The following FBP1 variants were observed in gnomAD, a reference collection of about 807,000 sequenced individuals.
FBP1 encodes fructose-1,6-bisphosphatase 1.
FBP1 carries 22 observed loss-of-function variants against 29.9 expected under a neutral mutation model. That is an observed-to-expected ratio of 0.74 (90% CI 0.53 to 1.05). The LOEUF (loss-of-function observed/expected upper bound fraction) is 1.05, where lower values mean the gene tolerates loss of function less well. Among genes scored for constraint, FBP1 ranks in the 50% least tolerant of loss-of-function variants. The probability of loss-of-function intolerance (pLI) is 0.00; values close to 1 mark genes in which losing one functional copy is unlikely to be tolerated. For synonymous variants in FBP1, 175 were observed against 178.6 expected, an observed-to-expected ratio of 0.98 and a Z score of 0.16; for missense variants, 345 against 448.2, an observed-to-expected ratio of 0.77 and a Z score of 2.08.
intron 3 of FBP1, among the ~76,000 whole-genome samples, chr9:94,615,604 T>C (rs12000605): frequency 0.1 from 15,865 of 152,196 alleles, 2,772 homozygotes; most frequent in African/African-American, 0.36. Flanking sequence ...AATGGATAAA[T>C]TGTTGCCTTT....
Position 94,605,616 on chromosome 9 carries a change from TAAGA to T in FBP1, c.706-44_706-41del, listed in dbSNP as rs28369760. 0.081 allele frequency: 130,228 copies of T among 1,607,244 alleles called. 6,310 individuals carry two copies. Among genetic ancestry groups the T allele is most frequent in the East Asian group, 0.18 (8,044 of 44,718 alleles). On this transcript the variant is annotated intron_variant, in intron 5 of 6. Coordinates refer to ENST00000375326, the MANE Select transcript of FBP1 (RefSeq NM_000507.4). ...CAGCAAGAATTAGGATTGCAGAAAA[TAAGA>T]AAGAGAGTTTTCTTGGTGTCTCCTA...
Position 94,603,369 on chromosome 9 carries a change from C to T in FBP1, c.*12G>A. ...GTAGAGGCAATTCTCCGGATGCAGG[C>T]AGGGCAGGTGCTCACTGGGCAGAGT... On this transcript the variant is annotated 3_prime_UTR_variant, in exon 7 of 7. Coordinates refer to ENST00000375326, the MANE Select transcript of FBP1 (RefSeq NM_000507.4). The T allele has an allele frequency of 6.2e-7, 1 of 1,611,232 alleles. No homozygotes were observed. The highest frequency in any genetic ancestry group is 8.5e-7 in the Non-Finnish European group (1 of 1,178,428).
rs144924892 is a variant in FBP1 at position 94,632,829 on chromosome 9, C to T, written c.170+6312G>A. 4.6e-5 allele frequency among the ~76,000 whole-genome samples: 7 copies of T among 152,328 alleles called. No individual in the cohort carries two copies. In the East Asian group the frequency reaches 1.3e-3, roughly 29 times the overall value. On this transcript the variant is annotated intron_variant, in intron 1 of 6. Coordinates refer to ENST00000375326, the MANE Select transcript of FBP1 (RefSeq NM_000507.4). The stretch of plus-strand genomic sequence containing the variant: ...GTGATGTCACATCAACAGCCCAATC[C>T]TCACAGACGTTGAATGGCAGGGCCA...
At chr9:94,616,934 T>TTCTCTC (rs553480504) in intron 3 of FBP1, among the ~76,000 whole-genome samples, 2 of 103,152 alleles carry the variant, frequency 1.9e-5, no homozygotes, top group Admixed American at 1.7e-4. Flanking sequence ...CTCTCTCTCT[T>TTCTCTC]TCTCTCTCTC....
At position 94,605,522 on chromosome 9, in the gene FBP1, G is replaced by A. The variant is rs772925344; in HGVS notation, c.760C>T (p.His254Tyr). 6.2e-7 allele frequency: 1 copy of A among 1,613,814 alleles called. No individual in the cohort carries two copies. The highest frequency in any genetic ancestry group is 1.1e-5 in the South Asian group (1 of 91,070). Residue 254 changes from histidine (H) to tyrosine (Y), a missense_variant, in exon 6 of 7, where the codon CAT becomes TAT. Coordinates refer to ENST00000375326, the MANE Select transcript of FBP1 (RefSeq NM_000507.4). Reference protein sequence around the residue: ...RYVGSMVADVHRTLVYGGIFL... With the variant: ...RYVGSMVADVYRTLVYGGIFL... ...ATCCCTCCGTAGACCAGAGTGCGAT[G>A]AACATCAGCCACCATGGAGCCCACA...
chr9:94,617,839 C>T lies in FBP1; in HGVS notation c.355G>A (p.Asp119Asn), dbSNP rs758609113. 4.3e-6 allele frequency: 7 copies of T among 1,613,326 alleles called. No individual in the cohort carries two copies. The East Asian group carries it at 8.9e-5, about 21-fold the overall frequency. ...ATGTTGGAAGATCCATCAAGGGGAT[C>T]AAAACAGACCACATATTTACCCTGA... ...EKRGKYVVCF[D>N]PLDGSSNIDC... The change falls in exon 3 of 7, where the codon GAT becomes AAT. Residue 119 changes from aspartate to asparagine, a missense_variant. Asp to Asn is a conservative substitution (Grantham distance 23). Transcript: ENST00000375326.
At position 94,605,521 on chromosome 9, in the gene FBP1, T is replaced by C; in HGVS notation, c.761A>G (p.His254Arg). ...TATCCCTCCGTAGACCAGAGTGCGA[T>C]GAACATCAGCCACCATGGAGCCCAC... ...RYVGSMVADV[H>R]RTLVYGGIFL... is the part of the protein sequence containing the mutation. Residue 254 changes from histidine to arginine, a missense_variant, in exon 6 of 7, where the codon CAT becomes CGT. Coordinates refer to ENST00000375326, the MANE Select transcript of FBP1 (RefSeq NM_000507.4). 6.2e-7 allele frequency: 1 copy of C among 1,614,000 alleles called. No homozygotes were observed. The highest frequency in any genetic ancestry group is 8.5e-7 in the Non-Finnish European group (1 of 1,179,914).
chr9:94,633,983 G>C (rs1234399783), intron 1 of FBP1, among the ~76,000 whole-genome samples: 1 of 150,802 alleles, frequency 6.6e-6, no homozygotes, highest in Non-Finnish European at 1.5e-5. Context: ...TAGGATTACA[G>C]GCGTGAGCCA....
intron 1 of FBP1, among the ~76,000 whole-genome samples, chr9:94,633,909 TG>T (rs1828149358): frequency 6.6e-6 from 1 of 151,302 alleles, no homozygotes; most frequent in Non-Finnish European, 1.5e-5. Flanking sequence ...GGTTTCACCG[TG>T]TTGGCCAGGA....
rs764292673 is a variant in FBP1, at chr9:94,605,559, A to T, written c.723T>A (p.Tyr241Ter). 3 of 1,614,096 alleles carry T rather than the reference A, an allele frequency of 1.9e-6. No individual in the cohort carries two copies. The highest frequency in any genetic ancestry group is 2.5e-6 in the Non-Finnish European group (3 of 1,179,962). Residue 241 changes from tyrosine (Y) to a stop codon, truncating the protein, a stop_gained, in exon 6 of 7, where the codon TAT becomes TAA. Transcript: ENST00000375326. LOFTEE classifies it high-confidence loss of function. ...KKFPPDNSAP[Y>*]GARYVGSMVA... ...CCATGGAGCCCACATACCGGGCCCCATAAGGAGCTGAATTATCCTGCAAGT... is the reference window on the plus strand; with the variant it reads ...CCATGGAGCCCACATACCGGGCCCCTTAAGGAGCTGAATTATCCTGCAAGT...
In FBP1 at chr9:94,603,330, G is replaced by A; in HGVS notation, c.*51C>T. 6.7e-7 allele frequency: 1 copy of A among 1,495,754 alleles called. No homozygotes were observed. Among genetic ancestry groups the A allele is most frequent in the Non-Finnish European group, 9.3e-7 (1 of 1,080,730 alleles). The allele number at this position is 1,495,754 out of a possible 1,614,324, so 92.7% of individuals were successfully genotyped here. A position where few individuals can be genotyped will look rare whatever the true frequency, so the allele number is the denominator to read the frequency against. On this transcript the variant is annotated 3_prime_UTR_variant, in exon 7 of 7. Coordinates refer to ENST00000375326, the MANE Select transcript of FBP1 (RefSeq NM_000507.4). ...AGCAGGTCAGGGTACTGCTGTGTGAGACAAAAGGTCCAGGTAGAGGCAATT... is the reference window on the plus strand; with the variant it reads ...AGCAGGTCAGGGTACTGCTGTGTGAAACAAAAGGTCCAGGTAGAGGCAATT...
intron 1 of FBP1, among the ~76,000 whole-genome samples, chr9:94,625,711 C>T (rs563763487): frequency 6.6e-6 from 1 of 152,240 alleles, no homozygotes; most frequent in Non-Finnish European, 1.5e-5. Flanking sequence ...AGGAGAAAGG[C>T]GTGAACCCGG....
intron 3 of FBP1, among the ~76,000 whole-genome samples, chr9:94,616,601 T>C (rs1484293987): frequency 6.6e-6 from 1 of 151,880 alleles, no homozygotes; most frequent in Non-Finnish European, 1.5e-5. Flanking sequence ...CCTGGCTGTT[T>C]TTTTGTATTT....
chr9:94,639,012 G>T, intron 1 of FBP1, 129 bp downstream of exon 1: 1 of 930,704 alleles, frequency 1.1e-6, no homozygotes, highest in Non-Finnish European at 1.7e-6. Flanking sequence ...GAGCGAGAGA[G>T]GCGCTCAGAC....
rs56722632 is a variant in FBP1, at chr9:94,619,874, C to CAAAAAAA, written c.333+448_333+454dup. On this transcript the variant is annotated intron_variant, in intron 2 of 6. Transcript: ENST00000375326. ...GGGCAACAAGAGCAAAACACTGTCT[C>CAAAAAAA]AAAAAAAAAAAAAAAAAAAAAAAAA... 6.4e-4 allele frequency among the ~76,000 whole-genome samples: 63 copies of CAAAAAAA among 99,156 alleles called. 3 individuals are homozygous for CAAAAAAA. Among genetic ancestry groups the CAAAAAAA allele is most frequent in the African/African-American group, 3.2e-3 (56 of 17,532 alleles). The allele number at this position is 99,156 out of a possible 152,430, so 65.1% of individuals were successfully genotyped here.
At chr9:94,636,499 C>T (rs759447660) in intron 1 of FBP1, among the ~76,000 whole-genome samples, 3 of 151,734 alleles carry the variant, frequency 2.0e-5, no homozygotes, top group South Asian at 2.1e-4. Context: ...ATAAATAAAA[C>T]GCATACCTTA....
chr9:94,631,387 G>A lies in FBP1; in HGVS notation c.170+7754C>T, dbSNP rs28402407. On this transcript the variant is annotated intron_variant, in intron 1 of 6. Transcript: ENST00000375326. ...TTAGAAGCATAGATTAATGTGGCCA[G>A]TATTTTGAAATCCTTGGATATTTTA... is the stretch of plus-strand genomic sequence containing the variant. Among the ~76,000 whole-genome samples the A allele has an allele frequency of 2.8e-3, 419 of 152,360 alleles. 1 individual carries two copies. Among genetic ancestry groups the A allele is most frequent in the Non-Finnish European group, 4.0e-3 (270 of 68,036 alleles).
intron 1 of FBP1, among the ~76,000 whole-genome samples, chr9:94,634,254 A>G (rs374657854): frequency 6.6e-6 from 1 of 150,974 alleles, no homozygotes; most frequent in African/African-American, 2.4e-5. Flanking sequence ...AGATCGCCCC[A>G]CTGCACTCCA....
chr9:94,615,809 G>C (rs527456866), intron 3 of FBP1, among the ~76,000 whole-genome samples: 3 of 149,508 alleles, frequency 2.0e-5, no homozygotes, highest in Non-Finnish European at 4.4e-5. Context: ...TAGAGATAAA[G>C]TGCAAATTTG....
Sources: allele counts gnomAD v4.1 joint callset (sites outside exome capture counted in the v4.1 genomes callset), GRCh38; gene constraint gnomAD v4.1.1; transcripts MANE v1.5; gene names NCBI Gene and HGNC (gene_info 2026-07-23, HGNC 2026-07-21).